LMBRD1: variants seen among roughly 807,000 people sequenced by gnomAD.
LMBRD1 encodes lysosomal cobalamin transport escort protein LMBD1.
In LMBRD1, 64 loss-of-function variants were observed where a neutral mutation model predicts 74.8. That is an observed-to-expected ratio of 0.86 (90% CI 0.70 to 1.05). The LOEUF is 1.05. Among genes scored for constraint, LMBRD1 ranks in the 50% least tolerant of loss-of-function variants. The pLI is 0.00. For missense variants in LMBRD1, 652 were observed against 645.9 expected (o/e 1.01, Z -0.10); for synonymous variants, 204 against 216.3 (o/e 0.94, Z 0.50).
At chr6:69,720,551 ATTTGGTATATTTGGTATAT>A (rs1178066777) in intron 7 of LMBRD1, among the ~76,000 whole-genome samples, 3 of 151,946 alleles carry the variant, frequency 2.0e-5, no homozygotes, top group South Asian at 2.1e-4. Context: ...CTTTTGGTAT[ATTTGGTATATTTGGTATAT>A]TTTGGTATAT....
At chr6:69,778,166 G>A (rs2149891834) in intron 3 of LMBRD1, among the ~76,000 whole-genome samples, 1 of 152,178 alleles carries the variant, frequency 6.6e-6, no homozygotes, top group Non-Finnish European at 1.5e-5. Flanking sequence ...TTCATAATCT[G>A]GCTTTTTAAA....
chr6:69,752,189 C>A, intron 4 of LMBRD1, 70 bp downstream of exon 4: 1 of 1,483,446 alleles, frequency 6.7e-7, no homozygotes, highest in East Asian at 2.4e-5. Context: ...TTCAGTCATT[C>A]ATTCTCTGAA....
At chr6:69,742,354 G>A (rs1302956767) in intron 5 of LMBRD1, among the ~76,000 whole-genome samples, 1 of 152,060 alleles carries the variant, frequency 6.6e-6, no homozygotes, top group Non-Finnish European at 1.5e-5. Flanking sequence ...TTTCTTATTA[G>A]TATTTTTCTA....
At chr6:69,722,027 T>C (rs1766626922) in intron 7 of LMBRD1, among the ~76,000 whole-genome samples, 1 of 152,202 alleles carries the variant, frequency 6.6e-6, no homozygotes, top group Non-Finnish European at 1.5e-5. Flanking sequence ...GTGGTGTGAA[T>C]GTCAGCTTAG....
rs568715790 is a variant in LMBRD1, at chr6:69,680,365, T to G, written c.1418-3824A>C. On this transcript the variant is annotated intron_variant, in intron 14 of 15. Coordinates refer to ENST00000649934, the MANE Select transcript of LMBRD1 (RefSeq NM_018368.4). ...CACTCATTTCCATACTTATGATATT[T>G]TGGGAGTCAGAACTTGACAAAATTA... Among the ~76,000 whole-genome samples, 3 of 152,250 alleles carry G rather than the reference T, an allele frequency of 2.0e-5. No homozygotes were observed. In the South Asian group the frequency reaches 6.2e-4, roughly 32 times the overall value.
chr6:69,734,857 G>C (rs1017728944), intron 7 of LMBRD1, among the ~76,000 whole-genome samples: 11 of 152,166 alleles, frequency 7.2e-5, no homozygotes, highest in African/African-American at 2.7e-4. Flanking sequence ...ATTTAGGAAA[G>C]ATTAATAAAA....
At chr6:69,760,122 T>C (rs1041903575) in intron 3 of LMBRD1, among the ~76,000 whole-genome samples, 1 of 152,196 alleles carries the variant, frequency 6.6e-6, no homozygotes, top group African/African-American at 2.4e-5. Flanking sequence ...ATATAACTTA[T>C]GATCTATCCG....
intron 12 of LMBRD1, 116 bp from the exon 13 acceptor site, chr6:69,699,308 C>T: frequency 1.1e-6 from 1 of 915,198 alleles, no homozygotes; most frequent in East Asian, 2.6e-5. Flanking sequence ...TATTTTTCTT[C>T]CAAAGTAAAT....
rs1162151587 is a variant in LMBRD1 at position 69,749,217 on chromosome 6, A to C, written c.473+124T>G. On this transcript the variant is annotated intron_variant, in intron 5 of 15. Transcript: ENST00000649934. The stretch of plus-strand genomic sequence containing the variant: ...GCTATTGTTCCTTGGAGATTTAGAG[A>C]GTGGATTGTTCTTTTTTCTTACATT... 8.1e-6 allele frequency: 6 copies of C among 739,056 alleles called. No homozygotes were observed. In the African/African-American group the frequency reaches 1.1e-4, roughly 13 times the overall value. The allele number at this position is 739,056 out of a possible 1,614,324, so 45.8% of individuals were successfully genotyped here.
chr6:69,681,683 G>A (rs75963948), intron 14 of LMBRD1, among the ~76,000 whole-genome samples: 9,631 of 151,724 alleles, frequency 0.063, 443 homozygotes, highest in Middle Eastern at 0.23. Context: ...TTTAAAACAA[G>A]CAATTTATTT....
At chr6:69,764,163 C>G (rs1765430783) in intron 3 of LMBRD1, among the ~76,000 whole-genome samples, 2 of 152,150 alleles carry the variant, frequency 1.3e-5, no homozygotes, top group Admixed American at 6.6e-5. Context: ...TTTGTCCCCC[C>G]AGAATTCATA....
intron 14 of LMBRD1, among the ~76,000 whole-genome samples, chr6:69,685,355 T>A (rs541388626): frequency 5.3e-5 from 8 of 152,340 alleles, no homozygotes; most frequent in African/African-American, 1.9e-4. Context: ...TAGTAGTCCT[T>A]AAATCCTAGA....
chr6:69,793,814 G>A (rs1766146822), intron 1 of LMBRD1, among the ~76,000 whole-genome samples: 1 of 149,870 alleles, frequency 6.7e-6, no homozygotes, highest in African/African-American at 2.5e-5. Flanking sequence ...CCACCTCCTG[G>A]GCTCAAGCAA....
intron 14 of LMBRD1, among the ~76,000 whole-genome samples, chr6:69,686,044 T>C (rs1224090677): frequency 6.6e-6 from 1 of 152,128 alleles, no homozygotes; most frequent in Non-Finnish European, 1.5e-5. Flanking sequence ...CAGCTCTTAG[T>C]AACTGATTAG....
intron 1 of LMBRD1, among the ~76,000 whole-genome samples, chr6:69,794,229 G>A (rs9351776): frequency 0.36 from 54,857 of 152,082 alleles, 10,494 homozygotes; most frequent in East Asian, 0.54. Context: ...GTGCATTAGC[G>A]TGAATCAAGA....
chr6:69,758,950 G>A (rs1765320676), intron 3 of LMBRD1, among the ~76,000 whole-genome samples: 2 of 151,890 alleles, frequency 1.3e-5, no homozygotes, highest in South Asian at 4.2e-4. Context: ...CCCCTAATAG[G>A]GTCAATCACT....
intron 3 of LMBRD1, among the ~76,000 whole-genome samples, chr6:69,773,629 T>C (rs1765619982): frequency 6.6e-6 from 1 of 152,172 alleles, no homozygotes; most frequent in Non-Finnish European, 1.5e-5. Flanking sequence ...TTTGACTCAC[T>C]CCTATTTTTA....
At chr6:69,770,235 T>A (rs1314787440) in intron 3 of LMBRD1, among the ~76,000 whole-genome samples, 5 of 152,198 alleles carry the variant, frequency 3.3e-5, no homozygotes, top group Non-Finnish European at 5.9e-5. Flanking sequence ...CCCCTTCTGA[T>A]ACAGCAGTAC....
chr6:69,717,051 T>C (rs1766507254), intron 8 of LMBRD1, among the ~76,000 whole-genome samples: 1 of 151,832 alleles, frequency 6.6e-6, no homozygotes, highest in Non-Finnish European at 1.5e-5. Flanking sequence ...TTAAAAGAGG[T>C]CCAAAGAATT....
Sources: allele counts gnomAD v4.1 joint callset (sites outside exome capture counted in the v4.1 genomes callset), GRCh38; gene constraint gnomAD v4.1.1; transcripts MANE v1.5; gene names NCBI Gene and HGNC (gene_info 2026-07-23, HGNC 2026-07-21).